Variants in LHFPL3 observed in about 807,000 individuals in gnomAD.
LHFPL3 encodes the protein LHFPL tetraspan subfamily member 3.
LHFPL3 carries 5 observed loss-of-function variants against 19.3 expected under a neutral mutation model. The ratio of observed to expected loss-of-function variants is 0.26; its 90% confidence interval spans 0.14 to 0.54. The LOEUF is 0.54. Among genes scored for constraint, LHFPL3 ranks in the 20% least tolerant of loss-of-function variants. The pLI is 0.94. For synonymous variants in LHFPL3, 133 were observed against 126.2 expected, an observed-to-expected ratio of 1.05 and a Z score of -0.36; for missense variants, 249 against 307.4, an observed-to-expected ratio of 0.81 and a Z score of 1.42.
At chr7:104,567,030 C>T (rs897012182) in intron 1 of LHFPL3, among the ~76,000 whole-genome samples, 2 of 152,292 alleles carry the variant, frequency 1.3e-5, no homozygotes, top group African/African-American at 4.8e-5. Context: ...AACTTGGCTT[C>T]ATTTGCAAAG....
At chr7:104,398,760 T>C (rs2116488545) in intron 1 of LHFPL3, among the ~76,000 whole-genome samples, 1 of 152,282 alleles carries the variant, frequency 6.6e-6, no homozygotes, top group East Asian at 1.9e-4. Flanking sequence ...ACAGCTGCCG[T>C]ATCCCGTTTT....
intron 1 of LHFPL3, among the ~76,000 whole-genome samples, chr7:104,390,310 T>C (rs972121919): frequency 2.0e-5 from 3 of 152,000 alleles, no homozygotes; most frequent in East Asian, 3.9e-4. Flanking sequence ...TTACATTAGG[T>C]ATATCTCCTA....
intron 2 of LHFPL3, among the ~76,000 whole-genome samples, chr7:104,856,506 C>G (rs561471553): frequency 3.3e-5 from 5 of 152,110 alleles, no homozygotes; most frequent in Non-Finnish European, 7.3e-5. Flanking sequence ...CCTCAGCCTC[C>G]CAAAGTGCTG....
intron 1 of LHFPL3, among the ~76,000 whole-genome samples, chr7:104,358,248 G>A (rs1055063682): frequency 1.3e-5 from 2 of 152,168 alleles, no homozygotes; most frequent in African/African-American, 4.8e-5. Context: ...GTACAATATT[G>A]TGAATGCACT....
chr7:104,454,084 T>C (rs1224538118), intron 1 of LHFPL3, among the ~76,000 whole-genome samples: 2 of 152,208 alleles, frequency 1.3e-5, no homozygotes, highest in Admixed American at 6.5e-5. Context: ...GTTAAGGCTG[T>C]CTTGTTCACT....
chr7:104,373,077 A>G (rs1041359596), intron 1 of LHFPL3, among the ~76,000 whole-genome samples: 5 of 151,874 alleles, frequency 3.3e-5, no homozygotes, highest in African/African-American at 1.2e-4. Flanking sequence ...TTCATAACAC[A>G]TATTAGCATA....
intron 2 of LHFPL3, among the ~76,000 whole-genome samples, chr7:104,877,790 G>A (rs2116675268): frequency 6.6e-6 from 1 of 151,632 alleles, no homozygotes; most frequent in East Asian, 1.9e-4. Flanking sequence ...CCCAAGAGAA[G>A]TGAAAATATA....
chr7:104,561,242 A>T (rs1352745631), intron 1 of LHFPL3, among the ~76,000 whole-genome samples: 1 of 148,196 alleles, frequency 6.7e-6, no homozygotes, highest in East Asian at 1.9e-4. Flanking sequence ...ATCCTTGTTG[A>T]CTTCCTGTCT....
At chr7:104,848,383 T>C (rs990717157) in intron 2 of LHFPL3, among the ~76,000 whole-genome samples, 3 of 152,178 alleles carry the variant, frequency 2.0e-5, no homozygotes, top group Non-Finnish European at 4.4e-5. Context: ...GAAAATGGCA[T>C]TCTTGGGCAG....
chr7:104,699,082 A>T (rs1208730791), intron 1 of LHFPL3, among the ~76,000 whole-genome samples: 1 of 152,154 alleles, frequency 6.6e-6, no homozygotes, highest in Non-Finnish European at 1.5e-5. Flanking sequence ...ACACTTGTGC[A>T]TTGCTGGTAT....
chr7:104,714,580 C>T (rs1793353791), intron 1 of LHFPL3, among the ~76,000 whole-genome samples: 1 of 151,250 alleles, frequency 6.6e-6, no homozygotes, highest in South Asian at 2.1e-4. Context: ...GTTCATATAA[C>T]CTTAATCTTA....
At chr7:104,395,014 C>T (rs947219285) in intron 1 of LHFPL3, among the ~76,000 whole-genome samples, 16 of 151,956 alleles carry the variant, frequency 1.1e-4, no homozygotes, top group Non-Finnish European at 1.8e-4. Flanking sequence ...TCGTCATTTT[C>T]TAAGAACCCA....
Position 104,612,170 on chromosome 7 carries a change from C to T in LHFPL3, c.446-124505C>T, listed in dbSNP as rs142893686. On this transcript the variant is annotated intron_variant, in intron 1 of 2. Transcript: ENST00000424859. ...GAAATTCAAGACCAGAGATTAAGAA[C>T]ATAGACATCGTCAAACCTGGCTTTT... 1.1e-3 allele frequency among the ~76,000 whole-genome samples: 167 copies of T among 152,322 alleles called. 1 individual carries two copies. The highest frequency in any genetic ancestry group is 3.9e-3 in the African/African-American group (162 of 41,566).
intron 2 of LHFPL3, among the ~76,000 whole-genome samples, chr7:104,808,105 C>T (rs796405578): frequency 1.3e-5 from 2 of 152,154 alleles, no homozygotes; most frequent in Non-Finnish European, 2.9e-5. Context: ...TCTCAACCTA[C>T]TCTTCTCCCC....
chr7:104,663,890 A>T (rs1792277387), intron 1 of LHFPL3, among the ~76,000 whole-genome samples: 1 of 152,214 alleles, frequency 6.6e-6, no homozygotes, highest in African/African-American at 2.4e-5. Context: ...TGTTTACCTT[A>T]ACCATAAGAC....
chr7:104,709,088 C>A (rs975726910), intron 1 of LHFPL3, among the ~76,000 whole-genome samples: 1 of 151,912 alleles, frequency 6.6e-6, no homozygotes, highest in South Asian at 2.1e-4. Context: ...TAAAGTTCAA[C>A]AACAACAACA....
At chr7:104,786,399 T>C (rs991064237) in intron 2 of LHFPL3, 2 of 152,220 alleles carry the variant, frequency 1.3e-5, no homozygotes, top group Non-Finnish European at 2.9e-5. Flanking sequence ...CTCATAGCAC[T>C]GTCAAACTTT....
At chr7:104,740,732 G>GC (rs532208106) in intron 2 of LHFPL3, among the ~76,000 whole-genome samples, 209 of 152,180 alleles carry the variant, frequency 1.4e-3, no homozygotes, top group Non-Finnish European at 1.6e-3. Context: ...AGGGGAAACC[G>GC]CCCCCATGAT....
intron 1 of LHFPL3, among the ~76,000 whole-genome samples, chr7:104,470,698 A>G (rs1486501227): frequency 6.6e-6 from 1 of 152,198 alleles, no homozygotes; most frequent in Non-Finnish European, 1.5e-5. Context: ...GTAAGGGCCC[A>G]ATAGAAATCT....
Sources: allele counts gnomAD v4.1 joint callset (sites outside exome capture counted in the v4.1 genomes callset), GRCh38; gene constraint gnomAD v4.1.1; transcripts MANE v1.5; gene names NCBI Gene and HGNC (gene_info 2026-07-23, HGNC 2026-07-21).